The following SEMA3C variants were observed in gnomAD, a reference collection of about 807,000 sequenced individuals.
SEMA3C encodes semaphorin-3C.
Under a neutral mutation model 89.4 loss-of-function variants are expected in SEMA3C, and 47 were observed. The observed-to-expected ratio is 0.53, with a 90% CI of 0.42 to 0.67. The LOEUF (loss-of-function observed/expected upper bound fraction) is 0.67. Among genes scored for constraint, SEMA3C ranks in the 30% least tolerant of loss-of-function variants. The pLI, the probability that SEMA3C is intolerant of heterozygous loss-of-function variation, is 0.00. For missense variants in SEMA3C, 839 were observed against 929.1 expected (o/e 0.90, Z 1.26); for synonymous variants, 310 against 320.2 (o/e 0.97, Z 0.34).
chr7:80,865,743 G>C (rs1459408471), intron 2 of SEMA3C, among the ~76,000 whole-genome samples: 1 of 152,148 alleles, frequency 6.6e-6, no homozygotes, highest in Non-Finnish European at 1.5e-5. Context: ...ACAGTGAGCA[G>C]AGATCGCGCC....
chr7:80,915,302 G>C (rs1792243234), intron 2 of SEMA3C, among the ~76,000 whole-genome samples: 2 of 152,270 alleles, frequency 1.3e-5, no homozygotes, highest in Non-Finnish European at 2.9e-5. Flanking sequence ...TGGGTTTTAA[G>C]GGGAAATGCC....
At chr7:80,798,978 A>G (rs1267416357) in intron 10 of SEMA3C, among the ~76,000 whole-genome samples, 1 of 152,234 alleles carries the variant, frequency 6.6e-6, no homozygotes, top group Non-Finnish European at 1.5e-5. Flanking sequence ...ATTGTTAATC[A>G]TTAGTATCAA....
At chr7:80,850,568 T>C (rs1417838704) in intron 2 of SEMA3C, among the ~76,000 whole-genome samples, 3 of 152,120 alleles carry the variant, frequency 2.0e-5, no homozygotes, top group Admixed American at 2.0e-4. Flanking sequence ...AAGTAATCTA[T>C]GGTCATAGAA....
At chr7:80,764,578 C>A (rs1016196172) in intron 13 of SEMA3C, among the ~76,000 whole-genome samples, 7 of 151,812 alleles carry the variant, frequency 4.6e-5, no homozygotes, top group Admixed American at 3.9e-4. Context: ...TTTTTCTGTC[C>A]TTTTTTTCTT....
rs1787753583 is a variant in SEMA3C, at chr7:80,744,498, G to C, written c.*396C>G. On this transcript the variant is annotated 3_prime_UTR_variant, in exon 18 of 18. Transcript: ENST00000265361. ...CGTAAAAGCTGTGGATTTGGAACTT[G>C]TTTTCATATACAAAATCACTGACAA... The C allele has an allele frequency of 5.3e-6, 1 of 189,860 alleles. No individual in the cohort carries two copies. 11.8% of individuals were successfully genotyped at this position (189,860 alleles called of 1,614,324 possible).
In SEMA3C at chr7:80,758,199, G is replaced by A. The variant is rs781763999; in HGVS notation, c.1643+132C>T. On this transcript the variant is annotated intron_variant, in intron 15 of 17. Transcript: ENST00000265361. ...TTTTCTTCATTCAAAGACTATGTGTGGTGTTAAACATAGCTTCTACCTTTA... is the reference window on the plus strand; with the variant it reads ...TTTTCTTCATTCAAAGACTATGTGTAGTGTTAAACATAGCTTCTACCTTTA... The A allele has an allele frequency of 4.3e-5, 39 of 902,102 alleles. No homozygotes were observed. The Middle Eastern group carries it at 1.0e-3, about 24-fold the overall frequency. 55.9% of individuals were successfully genotyped at this position (902,102 alleles called of 1,614,324 possible).
intron 2 of SEMA3C, among the ~76,000 whole-genome samples, chr7:80,895,040 G>A (rs1791700678): frequency 1.3e-5 from 2 of 152,066 alleles, no homozygotes; most frequent in South Asian, 2.1e-4. Flanking sequence ...GTCACTAATG[G>A]CATCCAACTA....
chr7:80,794,098 TATAAA>T (rs1789006878), intron 11 of SEMA3C, among the ~76,000 whole-genome samples: 1 of 151,958 alleles, frequency 6.6e-6, no homozygotes, highest in Non-Finnish European at 1.5e-5. Flanking sequence ...CTCCCCTACA[TATAAA>T]AGCCCACTGC....
At chr7:80,843,086 A>G (rs993653954) in intron 2 of SEMA3C, among the ~76,000 whole-genome samples, 9 of 152,146 alleles carry the variant, frequency 5.9e-5, no homozygotes, top group African/African-American at 2.2e-4. Flanking sequence ...AAGTTGGTTA[A>G]TGGATACAAA....
At chr7:80,775,408 T>A (rs2117081025) in intron 12 of SEMA3C, among the ~76,000 whole-genome samples, 1 of 152,170 alleles carries the variant, frequency 6.6e-6, no homozygotes, top group Admixed American at 6.5e-5. Flanking sequence ...AAAATAAAAC[T>A]ATTTACTCTA....
chr7:80,905,718 A>G (rs1562979438), intron 2 of SEMA3C: 15 of 498,572 alleles, frequency 3.0e-5, no homozygotes, highest in Non-Finnish European at 2.2e-5. Flanking sequence ...CTAGTTTAAG[A>G]TAATTTTTGC....
chr7:80,754,013 C>G (rs762165109), intron 15 of SEMA3C, among the ~76,000 whole-genome samples: 1 of 152,212 alleles, frequency 6.6e-6, no homozygotes, highest in East Asian at 1.9e-4. Context: ...TCTCGGCTCG[C>G]TGCAATCTCC....
At chr7:80,806,680 G>A (rs974126675) in intron 6 of SEMA3C, among the ~76,000 whole-genome samples, 3 of 151,944 alleles carry the variant, frequency 2.0e-5, no homozygotes, top group Admixed American at 6.6e-5. Context: ...GGTAACAAAC[G>A]TGACCCCTGA....
chr7:80,770,509 C>G (rs971025978), intron 12 of SEMA3C, among the ~76,000 whole-genome samples: 8 of 152,208 alleles, frequency 5.3e-5, no homozygotes, highest in African/African-American at 1.9e-4. Flanking sequence ...CCTCACTTTG[C>G]TATTGTGTAA....
At chr7:80,919,280 G>A (rs1485583326), upstream of SEMA3C, 2 of 983,928 alleles carry the variant, frequency 2.0e-6, no homozygotes, top group Non-Finnish European at 2.4e-6. Context: ...AGAGCTCGCG[G>A]CTGGCCAGAC....
At chr7:80,845,549 A>T (rs554467784) in intron 2 of SEMA3C, among the ~76,000 whole-genome samples, 1 of 152,070 alleles carries the variant, frequency 6.6e-6, no homozygotes, top group Non-Finnish European at 1.5e-5. Context: ...CCAGCCTACC[A>T]ATCAGCTGCT....
intron 6 of SEMA3C, among the ~76,000 whole-genome samples, chr7:80,809,098 T>C (rs952528796): frequency 6.6e-6 from 1 of 152,078 alleles, no homozygotes; most frequent in African/African-American, 2.4e-5. Context: ...ATTTTTAAAG[T>C]GTCTCAATCA....
At position 80,818,436 on chromosome 7, in the gene SEMA3C, T is replaced by C; in HGVS notation, c.328-18A>G. 6.2e-7 allele frequency: 1 copy of C among 1,607,922 alleles called. No homozygotes were observed. The highest frequency in any genetic ancestry group is 1.3e-5 in the African/African-American group (1 of 74,924). On this transcript the variant is annotated intron_variant, in intron 4 of 17. Transcript: ENST00000265361. Reference sequence around the variant, plus strand: ...CAGCCGTGCTAAAAGAATCAGTAAATAAGCAGTTAGTAACTCAATGACTTT... The same window carrying C: ...CAGCCGTGCTAAAAGAATCAGTAAACAAGCAGTTAGTAACTCAATGACTTT...
chr7:80,831,732 T>C (rs960978219), intron 2 of SEMA3C, among the ~76,000 whole-genome samples: 1 of 152,188 alleles, frequency 6.6e-6, no homozygotes, highest in Middle Eastern at 3.4e-3. Context: ...TATGCTAAAA[T>C]GGAAAAGAAA....
Sources: allele counts gnomAD v4.1 joint callset (sites outside exome capture counted in the v4.1 genomes callset), GRCh38; gene constraint gnomAD v4.1.1; transcripts MANE v1.5; gene names NCBI Gene and HGNC (gene_info 2026-07-23, HGNC 2026-07-21).